EDDM3A: variants seen among roughly 807,000 people sequenced by gnomAD.
The protein encoded by EDDM3A is epididymal protein 3A.
For synonymous variants in EDDM3A, 75 were observed against 60.4 expected, an observed-to-expected ratio of 1.24 and a Z score of -1.12; for missense variants, 199 against 177.4, an observed-to-expected ratio of 1.12 and a Z score of -0.69.
chr14:20,744,334 C>G (rs188990286), upstream of EDDM3A, among the ~76,000 whole-genome samples: 144 of 152,292 alleles, frequency 9.5e-4, no homozygotes, highest in Non-Finnish European at 1.7e-3. Context: ...AAGATAAGTT[C>G]TGGATATAAA....
intron 1 of EDDM3A, 69 bp from the exon 2 acceptor site, chr14:20,747,486 G>C: frequency 1.0e-6 from 1 of 986,038 alleles, no homozygotes; most frequent in South Asian, 1.7e-5. Flanking sequence ...GGCAGGGAAA[G>C]GAATTTTAAG....
At chr14:20,739,664 A>G in the EDDM3A span, among the ~76,000 whole-genome samples, 3 of 152,220 alleles carry the variant, frequency 2.0e-5, no homozygotes, top group Non-Finnish European at 4.4e-5. Flanking sequence ...ATTCTAATAG[A>G]TGTGTAGTAT....
chr14:20,743,336 G>A (rs1379653564), upstream of EDDM3A, among the ~76,000 whole-genome samples: 3 of 152,142 alleles, frequency 2.0e-5, no homozygotes, highest in Non-Finnish European at 4.4e-5. Context: ...GATCACCTGA[G>A]GTCAGGAGTT....
Position 20,747,631 on chromosome 14 carries a change from C to G in EDDM3A, c.51C>G (p.Ile17Met), listed in dbSNP as rs775729381. Residue 17 changes from isoleucine (I) to methionine (M), a missense_variant, in exon 2 of 2, where the codon ATC (isoleucine) becomes ATG (methionine). Physicochemically the swap from Ile to Met is conservative, Grantham distance 10. Coordinates refer to ENST00000326842, the MANE Select transcript of EDDM3A (RefSeq NM_006683.5). ...GCATACTCTTGGCCCTGCTTTGCATCCTTTGCAGGCTGTGTGTATACAGTA... is the reference window on the plus strand; with the variant it reads ...GCATACTCTTGGCCCTGCTTTGCATGCTTTGCAGGCTGTGTGTATACAGTA... ...IWGILLALLCILCRLCVYSNN... is the reference protein window; with the variant it reads ...IWGILLALLCMLCRLCVYSNN... The G allele has an allele frequency of 6.2e-7, 1 of 1,613,506 alleles. No individual in the cohort carries two copies. Among genetic ancestry groups the G allele is most frequent in the Non-Finnish European group, 8.5e-7 (1 of 1,179,808 alleles).
upstream of EDDM3A, among the ~76,000 whole-genome samples, chr14:20,742,518 C>A (rs529498701): frequency 6.6e-6 from 1 of 152,302 alleles, no homozygotes; most frequent in East Asian, 1.9e-4. Flanking sequence ...TGGCCTGATG[C>A]CTACATTCAT....
In EDDM3A at chr14:20,747,672, G is replaced by C; in HGVS notation, c.92G>C (p.Arg31Thr). 1 of 1,614,048 alleles carries C rather than the reference G, an allele frequency of 6.2e-7. No individual in the cohort carries two copies. The highest frequency in any genetic ancestry group is 8.5e-7 in the Non-Finnish European group (1 of 1,179,968). The change falls in exon 2 of 2, where the codon AGA (arginine) becomes ACA (threonine). Residue 31 changes from arginine (R) to threonine (T), a missense_variant. Transcript: ENST00000326842. ...LCVYSNNIYW[R>T]EFIKLHYLSP... ...GTATACAGTAACAACATTTACTGGA[G>C]AGAATTCATAAAACTTCATTACTTA...
the EDDM3A span, among the ~76,000 whole-genome samples, chr14:20,739,462 G>T: frequency 1.3e-5 from 2 of 152,152 alleles, no homozygotes; most frequent in East Asian, 3.9e-4. Context: ...GTCCACTAAG[G>T]CTTGCAGTCC....
chr14:20,737,288 T>C, the EDDM3A span, among the ~76,000 whole-genome samples: 6 of 152,024 alleles, frequency 3.9e-5, no homozygotes, highest in Admixed American at 2.0e-4. Context: ...ACTCCTGACC[T>C]CAAGTGATAG....
upstream of EDDM3A, among the ~76,000 whole-genome samples, chr14:20,741,096 C>T (rs1001874332): frequency 6.6e-6 from 1 of 152,222 alleles, no homozygotes; most frequent in South Asian, 2.1e-4. Flanking sequence ...TCTTCTATAT[C>T]CTATATCCCA....
upstream of EDDM3A, among the ~76,000 whole-genome samples, chr14:20,743,613 A>G (rs1179196939): frequency 6.6e-6 from 1 of 152,178 alleles, no homozygotes; most frequent in Non-Finnish European, 1.5e-5. Flanking sequence ...ACAATAAAGG[A>G]TGAACATAAT....
Position 20,748,010 on chromosome 14 carries a change from C to T in EDDM3A, c.430C>T (p.Pro144Ser). Residue 144 changes from proline (P) to serine (S), a missense_variant, in exon 2 of 2, where the codon CCT becomes TCT. Pro to Ser is a moderately conservative substitution (Grantham distance 74). Transcript: ENST00000326842. ...DNIEDLRIIE[P>S]ISN ...CATAGAAGACCTGAGGATTATAGAA[C>T]CTATCAGCAACTAGAAAGTCTATGC... 5 of 1,598,404 alleles carry T rather than the reference C, an allele frequency of 3.1e-6. No individual in the cohort carries two copies. Among genetic ancestry groups the T allele is most frequent in the Non-Finnish European group, 4.3e-6 (5 of 1,172,488 alleles).
chr14:20,742,504 T>A (rs903643489), upstream of EDDM3A, among the ~76,000 whole-genome samples: 5 of 152,336 alleles, frequency 3.3e-5, no homozygotes, highest in South Asian at 1.0e-3. Flanking sequence ...CCACGATAGG[T>A]GTGTGGCCTG....
In EDDM3A at chr14:20,748,128, G is replaced by A. The variant is rs1225521999; in HGVS notation, c.*104G>A. The A allele has an allele frequency of 1.2e-5, 10 of 803,022 alleles. No individual in the cohort carries two copies. Among genetic ancestry groups the A allele is most frequent in the Non-Finnish European group, 2.0e-5 (10 of 509,222 alleles). 49.7% of individuals were successfully genotyped at this position (803,022 alleles called of 1,614,324 possible). Reference sequence around the variant, plus strand: ...CCTGCCACTCCCCGCTTACATTTATGTGTCAGTGTTTTCCAACTACTTAGA... The same window carrying A: ...CCTGCCACTCCCCGCTTACATTTATATGTCAGTGTTTTCCAACTACTTAGA... On this transcript the variant is annotated 3_prime_UTR_variant, in exon 2 of 2. Transcript: ENST00000326842.
At chr14:20,738,029 T>C in the EDDM3A span, among the ~76,000 whole-genome samples, 2 of 152,208 alleles carry the variant, frequency 1.3e-5, no homozygotes, top group Non-Finnish European at 1.5e-5. Context: ...TTTTTAGAAC[T>C]CTGGTCTCAA....
chr14:20,740,700 C>T, the EDDM3A span, among the ~76,000 whole-genome samples: 4 of 143,250 alleles, frequency 2.8e-5, no homozygotes, highest in South Asian at 4.2e-4. Context: ...AACAGAATCT[C>T]GCTCTGTCAC....
At chr14:20,742,571 G>GT (rs978341084), upstream of EDDM3A, among the ~76,000 whole-genome samples, 6 of 151,700 alleles carry the variant, frequency 4.0e-5, no homozygotes, top group East Asian at 1.9e-4. Context: ...AGGGTTTTGG[G>GT]TTTTTTTTTA....
chr14:20,737,896 A>G, the EDDM3A span, among the ~76,000 whole-genome samples: 16,968 of 152,250 alleles, frequency 0.11, 1,427 homozygotes, highest in African/African-American at 0.24. Flanking sequence ...ATGGGGTGGA[A>G]AAGTGCTAAA....
upstream of EDDM3A, among the ~76,000 whole-genome samples, chr14:20,744,346 T>C (rs751237541): frequency 6.6e-6 from 1 of 152,214 alleles, no homozygotes. Context: ...GGATATAAAC[T>C]GAACCTTCTG....
chr14:20,746,775 C>G (rs905175928), intron 1 of EDDM3A, among the ~76,000 whole-genome samples: 1 of 152,166 alleles, frequency 6.6e-6, no homozygotes, highest in African/African-American at 2.4e-5. Context: ...GCAATTGCAG[C>G]CTGGGCTGTG....
Sources: allele counts gnomAD v4.1 joint callset (sites outside exome capture counted in the v4.1 genomes callset), GRCh38; gene constraint gnomAD v4.1.1; transcripts MANE v1.5; gene names NCBI Gene and HGNC (gene_info 2026-07-23, HGNC 2026-07-21).